SBF2: variants seen among roughly 807,000 people sequenced by gnomAD.
The protein encoded by SBF2 is myotubularin-related protein 13.
A neutral mutation model predicts 225.2 loss-of-function variants in SBF2; 112 were observed. That is an observed-to-expected ratio of 0.50 (90% CI 0.43 to 0.58). The LOEUF is 0.58. Among genes scored for constraint, SBF2 ranks in the 20% least tolerant of loss-of-function variants. The pLI is 0.00. For missense variants in SBF2, 1,996 were observed against 2,206.2 expected (o/e 0.90, Z 1.91); for synonymous variants, 763 against 773.3 (o/e 0.99, Z 0.22).
chr11:10,161,845 C>G (rs1004534463), intron 2 of SBF2, among the ~76,000 whole-genome samples: 1 of 151,850 alleles, frequency 6.6e-6, no homozygotes, highest in African/African-American at 2.4e-5. Context: ...ATTAGCCAGG[C>G]CTGGTGGCAC....
chr11:10,154,124 T>TA (rs1285211013), intron 2 of SBF2, among the ~76,000 whole-genome samples: 1 of 151,922 alleles, frequency 6.6e-6, no homozygotes, highest in Non-Finnish European at 1.5e-5. Context: ...ACTTTGCTCT[T>TA]ACTTTTCAAA....
intron 26 of SBF2, among the ~76,000 whole-genome samples, chr11:9,834,845 C>T (rs532005211): frequency 1.2e-4 from 19 of 152,282 alleles, no homozygotes; most frequent in South Asian, 6.2e-4. Context: ...CGGTAAAGAA[C>T]GAGCACACTC....
chr11:9,805,932 G>C (rs1450651380), intron 32 of SBF2, among the ~76,000 whole-genome samples: 1 of 152,194 alleles, frequency 6.6e-6, no homozygotes, highest in Non-Finnish European at 1.5e-5. Flanking sequence ...GGATATTCTA[G>C]ATGGTCTTGA....
chr11:9,858,314 G>A lies in SBF2; in HGVS notation c.2012C>T (p.Thr671Ile). ...TTCCTGCACTGCATTGTAAAAGGTT[G>A]TCTCCCAAAATTGCTGATTTGTCCA... ...PIWTNQQFWE[T>I]TFYNAVQEQV... Residue 671 changes from threonine to isoleucine, a missense_variant, in exon 18 of 40, where the codon ACA becomes ATA. Thr to Ile is a moderately conservative substitution (Grantham distance 89). Coordinates refer to ENST00000256190, the MANE Select transcript of SBF2 (RefSeq NM_030962.4). The A allele has an allele frequency of 6.2e-7, 1 of 1,614,176 alleles. No individual in the cohort carries two copies. The highest frequency in any genetic ancestry group is 8.5e-7 in the Non-Finnish European group (1 of 1,180,010).
rs895966697 is a variant in SBF2, at chr11:9,937,077, T to A, written c.1860+24880A>T. On this transcript the variant is annotated intron_variant, in intron 16 of 39. Coordinates refer to ENST00000256190, the MANE Select transcript of SBF2 (RefSeq NM_030962.4). ...AGTATAGGAAGGGCCAACATCTGAA[T>A]AGTATAAATCCCAGAAGAGCAAAAT... Among the ~76,000 whole-genome samples, 12 of 152,232 alleles carry A rather than the reference T, an allele frequency of 7.9e-5. No homozygotes were observed. The South Asian group carries it at 1.2e-3, about 16-fold the overall frequency.
intron 2 of SBF2, among the ~76,000 whole-genome samples, chr11:10,177,152 T>C (rs1446980841): frequency 1.3e-5 from 2 of 151,960 alleles, no homozygotes; most frequent in African/African-American, 2.4e-5. Context: ...CTCTTCATGC[T>C]AAAAACTCTC....
rs141298465 is a variant in SBF2 at position 9,852,146 on chromosome 11, G to A, written c.2610+530C>T. 2.2e-3 allele frequency among the ~76,000 whole-genome samples: 333 copies of A among 152,252 alleles called. 8 individuals are homozygous for A. The South Asian group carries it at 0.037, about 17-fold the overall frequency. On this transcript the variant is annotated intron_variant, in intron 21 of 39. Transcript: ENST00000256190. ...GGGTCCTGAACCATAGTCTACTGGCGCCAGACTACAAAGTAATCATCTGAG... is the reference window on the plus strand; with the variant it reads ...GGGTCCTGAACCATAGTCTACTGGCACCAGACTACAAAGTAATCATCTGAG...
chr11:10,088,005 C>T lies in SBF2; in HGVS notation c.142-45024G>A, dbSNP rs894716016. Among the ~76,000 whole-genome samples the T allele has an allele frequency of 8.6e-5, 13 of 151,460 alleles. No individual in the cohort carries two copies. The South Asian group carries it at 2.1e-3, about 24-fold the overall frequency. On this transcript the variant is annotated intron_variant, in intron 2 of 39. Coordinates refer to ENST00000256190, the MANE Select transcript of SBF2 (RefSeq NM_030962.4). Reference sequence around the variant, plus strand: ...GTTGTAATTTGAAGTGTCAAAGTGTCATTTCCTTTGCAAACTTTAATTTTT... The same window carrying T: ...GTTGTAATTTGAAGTGTCAAAGTGTTATTTCCTTTGCAAACTTTAATTTTT...
chr11:9,864,453 C>A (rs1316696323), intron 17 of SBF2, among the ~76,000 whole-genome samples: 2 of 152,118 alleles, frequency 1.3e-5, no homozygotes, highest in Non-Finnish European at 2.9e-5. Flanking sequence ...GTGGCACAAA[C>A]AAGGCTCACT....
At chr11:10,012,016 T>G (rs1948478505) in intron 6 of SBF2, among the ~76,000 whole-genome samples, 1 of 152,216 alleles carries the variant, frequency 6.6e-6, no homozygotes, top group Non-Finnish European at 1.5e-5. Context: ...TGAGAATCTG[T>G]TATTTTTATT....
intron 2 of SBF2, among the ~76,000 whole-genome samples, chr11:10,073,133 T>C (rs1053873148): frequency 2.0e-5 from 3 of 152,026 alleles, no homozygotes; most frequent in African/African-American, 7.2e-5. Flanking sequence ...TATTGCAATA[T>C]GGGATCTACA....
intron 17 of SBF2, among the ~76,000 whole-genome samples, chr11:9,891,723 TG>T: frequency 6.6e-6 from 1 of 152,248 alleles, no homozygotes; most frequent in Non-Finnish European, 1.5e-5. Context: ...ATGAATTACA[TG>T]TTACTTAGTA....
At chr11:10,052,533 T>G (rs1022334177) in intron 2 of SBF2, among the ~76,000 whole-genome samples, 1 of 152,200 alleles carries the variant, frequency 6.6e-6, no homozygotes, top group Non-Finnish European at 1.5e-5. Flanking sequence ...ACTTCAAGTT[T>G]GCAAGGCTGG....
chr11:10,119,708 T>C (rs1199867391), intron 2 of SBF2, among the ~76,000 whole-genome samples: 1 of 152,174 alleles, frequency 6.6e-6, no homozygotes, highest in African/African-American at 2.4e-5. Context: ...CCAAAGAATG[T>C]TTAATCTCCT....
At chr11:9,781,474 A>C in intron 39 of SBF2, 33 bp downstream of exon 39, 1 of 1,613,800 alleles carries the variant, frequency 6.2e-7, no homozygotes, top group Non-Finnish European at 8.5e-7. Flanking sequence ...ATGTGCAGAC[A>C]GAGCCAGGAA....
At chr11:9,921,085 T>A (rs999267211) in intron 16 of SBF2, among the ~76,000 whole-genome samples, 3 of 146,162 alleles carry the variant, frequency 2.1e-5, no homozygotes, top group Non-Finnish European at 4.6e-5. Context: ...TTTTTTTTTT[T>A]TGGAGCTGGA....
At chr11:9,932,292 T>C (rs1393294641) in intron 16 of SBF2, among the ~76,000 whole-genome samples, 3 of 152,084 alleles carry the variant, frequency 2.0e-5, no homozygotes, top group Non-Finnish European at 4.4e-5. Context: ...ACCACAAAGA[T>C]ACTCCTCGAG....
intron 16 of SBF2, among the ~76,000 whole-genome samples, chr11:9,897,709 T>G (rs913630163): frequency 6.6e-6 from 1 of 152,178 alleles, no homozygotes; most frequent in Non-Finnish European, 1.5e-5. Context: ...CATCCATCCG[T>G]TATAAGTTTG....
At chr11:10,113,667 T>C (rs1952986192) in intron 2 of SBF2, among the ~76,000 whole-genome samples, 1 of 152,072 alleles carries the variant, frequency 6.6e-6, no homozygotes, top group Admixed American at 6.6e-5. Context: ...AAACATACAT[T>C]AGGTAGAGAT....
Sources: allele counts gnomAD v4.1 joint callset (sites outside exome capture counted in the v4.1 genomes callset), GRCh38; gene constraint gnomAD v4.1.1; transcripts MANE v1.5; gene names NCBI Gene and HGNC (gene_info 2026-07-23, HGNC 2026-07-21).